The following MUC4 variants were observed in gnomAD, a reference collection of about 807,000 sequenced individuals.
The protein encoded by MUC4 is mucin-4.
A neutral mutation model predicts 257.9 loss-of-function variants in MUC4; 202 were observed. The observed-to-expected ratio is 0.78, with a 90% CI of 0.70 to 0.88. The LOEUF is 0.88. MUC4 is among the 40% of genes least tolerant of loss of function. The pLI is 0.00. For missense variants in MUC4, 5,976 were observed against 6,513.7 expected (o/e 0.92, Z 2.84); for synonymous variants, 2,351 against 2,757.1 (o/e 0.85, Z 4.62).
intron 7 of MUC4, 132 bp downstream of exon 7, chr3:195,768,890 G>A (rs1189102760): frequency 5.8e-6 from 7 of 1,210,786 alleles, no homozygotes; most frequent in African/African-American, 1.5e-5. Context: ...GGGAGCTGGA[G>A]TCAGCGTGAG....
rs1560227761 is a variant in MUC4 at position 195,754,952 on chromosome 3, G to GTGTA, written c.15169-584_15169-581dup. 5.4e-5 allele frequency among the ~76,000 whole-genome samples: 7 copies of GTGTA among 129,280 alleles called. No individual in the cohort carries two copies. The East Asian group carries it at 7.4e-4, about 14-fold the overall frequency. The allele number at this position is 129,280 out of a possible 152,430, so 84.8% of individuals were successfully genotyped here. ...TGTATCCATGTATGTATCCATATGT[G>GTGTA]TGTATCCATGTGTGTATGTATCCAT... On this transcript the variant is annotated intron_variant, in intron 18 of 24. Transcript: ENST00000463781.
At position 195,789,570 on chromosome 3, in the gene MUC4, G is replaced by A. The variant is rs769336054; in HGVS notation, c.2010C>T (p.Ser670=). Reference sequence around the variant, plus strand: ...AGGGCGAGTGCCCACTGGCTGTGAAGGAAGAACCTGGGGTGGTGACTGTCT... The same window carrying A: ...AGGGCGAGTGCCCACTGGCTGTGAAAGAAGAACCTGGGGTGGTGACTGTCT... ...DTKTVTTPGS[S]FTASGHSPSE... Residue 670 remains serine (S), a synonymous_variant, in exon 2 of 25, where the codon TCC becomes TCT. Coordinates refer to ENST00000463781, the MANE Select transcript of MUC4 (RefSeq NM_018406.7). 4 of 1,613,852 alleles carry A rather than the reference G, an allele frequency of 2.5e-6. No individual in the cohort carries two copies. Among genetic ancestry groups the A allele is most frequent in the Non-Finnish European group, 2.5e-6 (3 of 1,179,886 alleles).
chr3:195,761,282 G>A (rs11922159), intron 15 of MUC4, among the ~76,000 whole-genome samples, 165 bp from the exon 16 acceptor site: 250 of 152,270 alleles, frequency 1.6e-3, no homozygotes, highest in African/African-American at 5.5e-3. Context: ...CAGTGAGAGA[G>A]GACACTCCAC....
chr3:195,767,802 T>TCACCACCACCACCAC (rs1721622900), intron 7 of MUC4, among the ~76,000 whole-genome samples: 4 of 31,958 alleles, frequency 1.3e-4, no homozygotes, highest in African/African-American at 4.1e-4. Context: ...GCCACCACCA[T>TCACCACCACCACCAC]CATCACCACC....
At chr3:195,811,637 T>A in intron 1 of MUC4, 99 bp downstream of exon 1, 1 of 1,031,000 alleles carries the variant, frequency 9.7e-7, no homozygotes, top group Non-Finnish European at 1.5e-6. Context: ...CTATTCTCTC[T>A]CTCTCTCTCT....
intron 13 of MUC4, among the ~76,000 whole-genome samples, chr3:195,762,639 C>CCACAA (rs1644858045): frequency 7.3e-6 from 1 of 137,730 alleles, no homozygotes; most frequent in Non-Finnish European, 1.6e-5. Flanking sequence ...CCGCCACGCA[C>CCACAA]CGGGCCCTGC....
Position 195,767,666 on chromosome 3 carries a change from T to C in MUC4, c.13530-915A>G, listed in dbSNP as rs200583552. Among the ~76,000 whole-genome samples the C allele has an allele frequency of 4.6e-3, 86 of 18,830 alleles. 1 individual carries two copies. The highest frequency in any genetic ancestry group is 9.7e-3 in the African/African-American group (21 of 2,168). 12.4% of individuals were successfully genotyped at this position (18,830 alleles called of 152,430 possible). A position where few individuals can be genotyped will look rare whatever the true frequency, so the allele number is the denominator to read the frequency against. ...ATCGCCACCACCACCACCACCACCA[T>C]CACCATCACCACCATCACTGGCCAC... On this transcript the variant is annotated intron_variant, in intron 7 of 24. Transcript: ENST00000463781.
At position 195,762,230 on chromosome 3, in the gene MUC4, C is replaced by CCGGTGG; in HGVS notation, c.14363_14368dup (p.Ala4788_Thr4789dup). The stretch of plus-strand genomic sequence containing the variant: ...AGAGCCGTTGCGGCTCAGGAGGACT[C>CCGGTGG]CGGTGGCGTTGAACGTCTCCTGGCC... On this transcript the variant is annotated inframe_insertion, in exon 14 of 25. Coordinates refer to ENST00000463781, the MANE Select transcript of MUC4 (RefSeq NM_018406.7). The CCGGTGG allele has an allele frequency of 1.3e-6, 2 of 1,589,602 alleles. No homozygotes were observed. Among genetic ancestry groups the CCGGTGG allele is most frequent in the Non-Finnish European group, 1.7e-6 (2 of 1,168,224 alleles).
chr3:195,808,155 G>C (rs1736222928), intron 1 of MUC4, among the ~76,000 whole-genome samples: 1 of 152,188 alleles, frequency 6.6e-6, no homozygotes, highest in Admixed American at 6.5e-5. Flanking sequence ...CGACACAAGT[G>C]CCATTCCGGG....
intron 10 of MUC4, 46 bp downstream of exon 10, chr3:195,764,951 C>T: frequency 6.2e-7 from 1 of 1,601,054 alleles, no homozygotes; most frequent in Non-Finnish European, 8.5e-7. Context: ...GCTGAGGGTC[C>T]CCTACTTGGC....
At position 195,767,692 on chromosome 3, in the gene MUC4, C is replaced by CA. The variant is rs1560263497; in HGVS notation, c.13530-942_13530-941insT. ...CACCATCACCACCATCACTGGCCAC[C>CA]CCCCAAAAAATACCACCATCGGCCA... On this transcript the variant is annotated intron_variant, in intron 7 of 24. Transcript: ENST00000463781. Among the ~76,000 whole-genome samples, 8 of 2,748 alleles carry CA rather than the reference C, an allele frequency of 2.9e-3. 1 individual carries two copies. Among genetic ancestry groups the CA allele is most frequent in the Admixed American group, 7.6e-3 (3 of 396 alleles). 1.8% of individuals were successfully genotyped at this position (2,748 alleles called of 152,430 possible).
Position 195,782,959 on chromosome 3 carries a change from G to T in MUC4, c.8621C>A (p.Ser2874Tyr). The change falls in exon 2 of 25, where the codon TCC becomes TAC. Residue 2874 changes from serine to tyrosine, a missense_variant. This residue lies in a region of MUC4 where 228 missense variants were observed against 206.3 expected (regional missense o/e 1.11). Coordinates refer to ENST00000463781, the MANE Select transcript of MUC4 (RefSeq NM_018406.7). Reference sequence around the variant, plus strand: ...AGGAAGAGGGGTGGCATGACCTGTGGACACTGAGGAAGCGTCGGTGACAGG... The same window carrying T: ...AGGAAGAGGGGTGGCATGACCTGTGTACACTGAGGAAGCGTCGGTGACAGG... ...SLPVTDASSV[S>Y]TGHATPLPVT... The T allele has an allele frequency of 8.2e-7, 1 of 1,214,628 alleles. No individual in the cohort carries two copies. The highest frequency in any genetic ancestry group is 1.1e-6 in the Non-Finnish European group (1 of 902,106). The allele number at this position is 1,214,628 out of a possible 1,614,324, so 75.2% of individuals were successfully genotyped here. A position where few individuals can be genotyped will look rare whatever the true frequency, so the allele number is the denominator to read the frequency against.
rs1380251173 is a variant in MUC4, at chr3:195,789,057, G to T, written c.2523C>A (p.Thr841=). 3 of 1,613,750 alleles carry T rather than the reference G, an allele frequency of 1.9e-6. No individual in the cohort carries two copies. The highest frequency in any genetic ancestry group is 1.7e-4 in the Middle Eastern group (1 of 6,058). The change falls in exon 2 of 25, where the codon ACC becomes ACA. Residue 841 remains threonine (T), a synonymous_variant. Transcript: ENST00000463781. Reference sequence around the variant, plus strand: ...CGGACAGCAATTCGGTTGTTGACTGGGTTGTGTGACTGTCCCTGGAGGGGT... The same window carrying T: ...CGGACAGCAATTCGGTTGTTGACTGTGTTGTGTGACTGTCCCTGGAGGGGT... The part of the protein sequence containing the change: ...SSNPSRDSHT[T]QSTTELLSAS...
chr3:195,781,219 G>A lies in MUC4; in HGVS notation c.10361C>T (p.Thr3454Ile), dbSNP rs756734052. ...AGTGTCGGTGACAGGAAGAGGGGTGGTGTGACCTGTAGATGCTGAGGAAGT... is the reference window on the plus strand; with the variant it reads ...AGTGTCGGTGACAGGAAGAGGGGTGATGTGACCTGTAGATGCTGAGGAAGT... ...TSTSSASTGHTTPLPVTDTSS... is the reference protein window; with the variant it reads ...TSTSSASTGHITPLPVTDTSS... Residue 3454 changes from threonine to isoleucine, a missense_variant, in exon 2 of 25, where the codon ACC (threonine) becomes ATC (isoleucine). Thr to Ile is a moderately conservative substitution (Grantham distance 89). Transcript: ENST00000463781. 3.5e-6 allele frequency: 5 copies of A among 1,408,456 alleles called. No individual in the cohort carries two copies. In the South Asian group the frequency reaches 5.8e-5, roughly 16 times the overall value. 87.2% of individuals were successfully genotyped at this position (1,408,456 alleles called of 1,614,324 possible). A position where few individuals can be genotyped will look rare whatever the true frequency, so the allele number is the denominator to read the frequency against.
In MUC4 at chr3:195,790,444, G is replaced by T. The variant is rs769265457; in HGVS notation, c.1136C>A (p.Ser379Tyr). 1.2e-6 allele frequency: 2 copies of T among 1,613,892 alleles called. No homozygotes were observed. The highest frequency in any genetic ancestry group is 1.7e-6 in the Non-Finnish European group (2 of 1,179,782). ...GAATGTATTGCTGACACTGGAAGGG[G>T]ATGAGGTGGTTGTTTCACCAGAAGG... ...TFPSGETTTS[S>Y]PSSVSNTFLV... Residue 379 changes from serine to tyrosine, a missense_variant, in exon 2 of 25, where the codon TCC (serine) becomes TAC (tyrosine). By Grantham distance (144) the Ser-to-Tyr change is moderately radical. Around this residue, in one of 44 missense-constraint regions of MUC4, gnomAD observed 1,583 missense variants for 1,257.4 expected, o/e 1.26. Coordinates refer to ENST00000463781, the MANE Select transcript of MUC4 (RefSeq NM_018406.7).
chr3:195,748,311 C>A (rs1715558827), intron 24 of MUC4, among the ~76,000 whole-genome samples: 1 of 152,272 alleles, frequency 6.6e-6, no homozygotes, highest in Non-Finnish European at 1.5e-5. Context: ...CGCCTGTAAT[C>A]TCAGCACTTT....
rs181540099 is a variant in MUC4 at position 195,802,698 on chromosome 3, G to A, written c.82+9038C>T. Among the ~76,000 whole-genome samples, 74 of 152,294 alleles carry A rather than the reference G, an allele frequency of 4.9e-4. 1 individual carries two copies. The highest frequency in any genetic ancestry group is 2.6e-3 in the Admixed American group (40 of 15,306). ...ACTGGGCAAGAATGACCTTCGTCTG[G>A]TTGTGACTGAGGAAAGATACTTCCA... is the stretch of plus-strand genomic sequence containing the variant. On this transcript the variant is annotated intron_variant, in intron 1 of 24. Coordinates refer to ENST00000463781, the MANE Select transcript of MUC4 (RefSeq NM_018406.7).
At chr3:195,758,797 C>T (rs1275899094) in intron 17 of MUC4, among the ~76,000 whole-genome samples, 9 of 150,860 alleles carry the variant, frequency 6.0e-5, no homozygotes, top group Non-Finnish European at 1.2e-4. Context: ...TCTCGAACTC[C>T]TGACCTCAGA....
chr3:195,767,643 C>CATCACCATCACCATTACCATT (rs1560262912), intron 7 of MUC4, among the ~76,000 whole-genome samples: 8 of 94,818 alleles, frequency 8.4e-5, no homozygotes, highest in Admixed American at 2.9e-4. Context: ...CCACCACCAT[C>CATCACCATCACCATTACCATT]GCCACCACCA....
Sources: gnomAD v4.1 joint callset for allele counts (sites outside exome capture counted in the v4.1 genomes callset) on GRCh38, gnomAD v4.1.1 for gene constraint, gnomAD v4.1.1 regional missense constraint, MANE v1.5 for transcripts, NCBI Gene and HGNC (gene_info 2026-07-23, HGNC 2026-07-21) for gene names.